Variants in CDH4 observed in about 807,000 individuals in gnomAD.
The protein encoded by CDH4 is cadherin-4.
CDH4 carries 33 observed loss-of-function variants against 86.0 expected under a neutral mutation model. The ratio of observed to expected loss-of-function variants is 0.38; its 90% CI spans 0.29 to 0.51. CDH4 has a LOEUF of 0.51. Ranked by LOEUF, CDH4 falls within the 20% of genes least tolerant of loss-of-function variation. The probability of loss-of-function intolerance (pLI) is 0.86; values close to 1 mark genes in which losing one functional copy is unlikely to be tolerated. For missense variants in CDH4, 1,114 were observed against 1,307.4 expected (o/e 0.85, Z 2.28); for synonymous variants, 555 against 549.4 (o/e 1.01, Z -0.14).
chr20:61,785,816 G>T (rs550710605), intron 4 of CDH4, among the ~76,000 whole-genome samples: 2 of 152,192 alleles, frequency 1.3e-5, no homozygotes, highest in South Asian at 2.1e-4. Flanking sequence ...GAGGGCAGAG[G>T]CCCCTGATGC....
At chr20:61,253,844 A>C (rs1407903834) in intron 1 of CDH4, among the ~76,000 whole-genome samples, 1 of 151,448 alleles carries the variant, frequency 6.6e-6, no homozygotes, top group Non-Finnish European at 1.5e-5. Context: ...GAGCTGGAGG[A>C]GGCGGCGGGC....
intron 2 of CDH4, among the ~76,000 whole-genome samples, chr20:61,295,797 C>T (rs1053644819): frequency 2.0e-5 from 3 of 152,138 alleles, no homozygotes; most frequent in African/African-American, 4.8e-5. Context: ...AGCTGCTGCC[C>T]GGCCTGTGTC....
At chr20:61,309,082 A>G (rs771401724) in intron 2 of CDH4, among the ~76,000 whole-genome samples, 2 of 152,254 alleles carry the variant, frequency 1.3e-5, no homozygotes, top group African/African-American at 2.4e-5. Context: ...CTGAATTTCA[A>G]TATGGCAACG....
At chr20:61,872,332 A>G (rs925607833) in intron 6 of CDH4, among the ~76,000 whole-genome samples, 3 of 152,212 alleles carry the variant, frequency 2.0e-5, no homozygotes, top group Admixed American at 6.5e-5. Flanking sequence ...CTCAGTCCAG[A>G]GGGCCAGGAC....
intron 11 of CDH4, among the ~76,000 whole-genome samples, chr20:61,925,835 A>G (rs1278609602): frequency 1.3e-5 from 2 of 152,276 alleles, no homozygotes; most frequent in South Asian, 2.1e-4. Context: ...TCTGGCAAAC[A>G]GAAGGCCTTG....
intron 2 of CDH4, among the ~76,000 whole-genome samples, chr20:61,731,092 C>T (rs939179124): frequency 4.6e-5 from 7 of 151,990 alleles, no homozygotes; most frequent in African/African-American, 7.2e-5. Flanking sequence ...GGATCTGCAC[C>T]GGGAGATGTC....
chr20:61,858,037 C>T (rs1474404705), intron 6 of CDH4, among the ~76,000 whole-genome samples: 1 of 138,818 alleles, frequency 7.2e-6, no homozygotes, highest in Non-Finnish European at 1.6e-5. Context: ...GTGTGTGTGT[C>T]TGTGTCTGTG....
chr20:61,927,463 G>C (rs1471827857), intron 11 of CDH4, among the ~76,000 whole-genome samples: 6 of 152,322 alleles, frequency 3.9e-5, no homozygotes, highest in Admixed American at 2.6e-4. Context: ...GCCGGGCCAG[G>C]AGGGAGCTTC....
At position 61,585,637 on chromosome 20, in the gene CDH4, G is replaced by A. The variant is rs535459481; in HGVS notation, c.170-157926G>A. 1.8e-4 allele frequency among the ~76,000 whole-genome samples: 27 copies of A among 151,974 alleles called. No homozygotes were observed. The South Asian group carries it at 5.0e-3, about 28-fold the overall frequency. On this transcript the variant is annotated intron_variant, in intron 2 of 15. Transcript: ENST00000614565. ...GTTGATGATGGTCATGACGGTGATG[G>A]TGATGATGATGGTGATGGTGATGGT...
chr20:61,878,572 G>A, intron 7 of CDH4, among the ~76,000 whole-genome samples: 1 of 152,122 alleles, frequency 6.6e-6, no homozygotes, highest in East Asian at 1.9e-4. Flanking sequence ...CTGGCCCCAG[G>A]TCTTCAGCAG....
At chr20:61,492,505 TTGA>T (rs1327229112) in intron 2 of CDH4, among the ~76,000 whole-genome samples, 1 of 152,174 alleles carries the variant, frequency 6.6e-6, no homozygotes, top group Non-Finnish European at 1.5e-5. Flanking sequence ...GGTGTCATTG[TTGA>T]TGTTGATGGC....
chr20:61,897,171 C>G (rs537613963), intron 8 of CDH4, among the ~76,000 whole-genome samples: 73 of 152,258 alleles, frequency 4.8e-4, no homozygotes, highest in Middle Eastern at 3.4e-3. Flanking sequence ...TGGGGATGGC[C>G]TGATTCTCTG....
rs753877275 is a variant in CDH4 at position 61,702,259 on chromosome 20, C to T, written c.170-41304C>T. Among the ~76,000 whole-genome samples, 40 of 152,164 alleles carry T rather than the reference C, an allele frequency of 2.6e-4. 2 individuals carry two copies. Among genetic ancestry groups the T allele is most frequent in the Non-Finnish European group, 7.3e-5 (5 of 68,032 alleles). ...TGACAAACTGGGTTTTGCTGAGAACCACACAAAGACGGCAAAATAAGACTG... is the reference window on the plus strand; with the variant it reads ...TGACAAACTGGGTTTTGCTGAGAACTACACAAAGACGGCAAAATAAGACTG... On this transcript the variant is annotated intron_variant, in intron 2 of 15. Coordinates refer to ENST00000614565, the MANE Select transcript of CDH4 (RefSeq NM_001794.5).
intron 2 of CDH4, among the ~76,000 whole-genome samples, chr20:61,397,629 A>G (rs984964513): frequency 6.6e-6 from 1 of 152,122 alleles, no homozygotes; most frequent in African/African-American, 2.4e-5. Flanking sequence ...ATCACATTGC[A>G]TTGTATTTTC....
intron 2 of CDH4, among the ~76,000 whole-genome samples, chr20:61,608,971 C>T (rs912529657): frequency 6.6e-6 from 1 of 152,218 alleles, no homozygotes. Flanking sequence ...GCTGTTGCAG[C>T]CTCACGTCTC....
In CDH4 at chr20:61,619,202, G is replaced by A. The variant is rs145040403; in HGVS notation, c.170-124361G>A. Among the ~76,000 whole-genome samples, 959 of 152,252 alleles carry A rather than the reference G, an allele frequency of 6.3e-3. 5 individuals carry two copies. Among genetic ancestry groups the A allele is most frequent in the Admixed American group, 9.9e-3 (151 of 15,298 alleles). On this transcript the variant is annotated intron_variant, in intron 2 of 15. Transcript: ENST00000614565. ...GGAGCAGATTGGGGCATGTCTGCTG[G>A]GTTCGGTCACCCTGACTGGACACTT...
chr20:61,793,862 G>A (rs973099598), intron 4 of CDH4, among the ~76,000 whole-genome samples: 2 of 146,780 alleles, frequency 1.4e-5, no homozygotes, highest in African/African-American at 2.5e-5. Context: ...AAAGAGGCCA[G>A]GTACGGTGGC....
chr20:61,609,480 C>T (rs1326355111), intron 2 of CDH4, among the ~76,000 whole-genome samples: 1 of 152,100 alleles, frequency 6.6e-6, no homozygotes, highest in African/African-American at 2.4e-5. Flanking sequence ...AGAGTACTTT[C>T]GGCAGCTCCT....
At chr20:61,496,407 A>T (rs1209069619) in intron 2 of CDH4, among the ~76,000 whole-genome samples, 2 of 152,110 alleles carry the variant, frequency 1.3e-5, no homozygotes, top group African/African-American at 2.4e-5. Flanking sequence ...GTCTCAAAAA[A>T]AAAAAAAATC....
Sources: allele counts gnomAD v4.1 joint callset (sites outside exome capture counted in the v4.1 genomes callset), GRCh38; gene constraint gnomAD v4.1.1; transcripts MANE v1.5; gene names NCBI Gene and HGNC (gene_info 2026-07-23, HGNC 2026-07-21).